FNTB: variants seen among roughly 807,000 people sequenced by gnomAD.
The protein encoded by FNTB is protein farnesyltransferase subunit beta.
In FNTB, 27 loss-of-function variants were observed where a neutral mutation model predicts 59.4. The observed-to-expected ratio is 0.45, with a 90% CI of 0.34 to 0.63. FNTB has a LOEUF of 0.63. Ranked by LOEUF, FNTB falls within the 20% of genes least tolerant of loss-of-function variation. FNTB has a pLI of 0.02. For synonymous variants in FNTB, 230 were observed against 220.7 expected (o/e 1.04, Z -0.37); for missense variants, 449 against 559.6 (o/e 0.80, Z 1.99).
In FNTB at chr14:65,037,402, C is replaced by CTTTT. The variant is rs765037575; in HGVS notation, c.693-3388_693-3387insTTTT. ...ATAGGCGTGAGCCACCACGCCGGGC[C>CTTTT]CTTTTTTTTTTTTTTTTTTTTTTTT... is the stretch of plus-strand genomic sequence containing the variant. On this transcript the variant is annotated intron_variant, in intron 7 of 11. Transcript: ENST00000246166. 1.3e-3 allele frequency among the ~76,000 whole-genome samples: 19 copies of CTTTT among 14,526 alleles called. 1 individual carries two copies. Among genetic ancestry groups the CTTTT allele is most frequent in the Non-Finnish European group, 2.2e-3 (16 of 7,196 alleles). The allele number at this position is 14,526 out of a possible 152,430, so 9.5% of individuals were successfully genotyped here.
intron 1 of FNTB, among the ~76,000 whole-genome samples, chr14:65,002,344 C>T (rs7156064): frequency 0.054 from 8,174 of 152,272 alleles, 773 homozygotes; most frequent in African/African-American, 0.19. Flanking sequence ...CGTGGTGGCT[C>T]ACGCCTGTAA....
rs2062058836 is a variant in FNTB at position 65,030,467 on chromosome 14, A to C, written c.606-2143A>C. ...AAGATGGAAACCAGGGCCGAGCGGC[A>C]GTGGCTCATGTCTGTAATCTCAACA... is the stretch of plus-strand genomic sequence containing the variant. On this transcript the variant is annotated intron_variant, in intron 6 of 11. Coordinates refer to ENST00000246166, the MANE Select transcript of FNTB (RefSeq NM_002028.4). This position sits in a 1 kb window ranked among gnomAD's most constrained non-coding sequence, Gnocchi z 4.5. Among the ~76,000 whole-genome samples the C allele has an allele frequency of 6.6e-6, 1 of 152,208 alleles. No individual in the cohort carries two copies. Among genetic ancestry groups the C allele is most frequent in the African/African-American group, 2.4e-5 (1 of 41,458 alleles).
At chr14:65,015,395 G>T (rs1252137036) in intron 3 of FNTB, 5 of 386,482 alleles carry the variant, frequency 1.3e-5, no homozygotes, top group Admixed American at 1.2e-4. Flanking sequence ...GAACCACCGC[G>T]CCCAGCCTTG....
intron 4 of FNTB, among the ~76,000 whole-genome samples, chr14:65,019,375 T>C (rs1048429093): frequency 6.6e-6 from 1 of 151,526 alleles, no homozygotes. Context: ...TAATCCCAGC[T>C]ACTCGGGAGA....
intron 1 of FNTB, among the ~76,000 whole-genome samples, chr14:65,000,396 G>T (rs80142476): frequency 0.038 from 5,789 of 152,186 alleles, 114 homozygotes; most frequent in Middle Eastern, 0.071. Flanking sequence ...AGAAGCTCAG[G>T]CAAAGTTAAT....
intron 4 of FNTB, among the ~76,000 whole-genome samples, chr14:65,022,430 TCA>T (rs2061906912): frequency 6.6e-6 from 1 of 152,196 alleles, no homozygotes; most frequent in Non-Finnish European, 1.5e-5. Flanking sequence ...CAAATTAGTC[TCA>T]GTTTTTACCT....
At position 65,032,648 on chromosome 14, in the gene FNTB, A is replaced by G. The variant is rs1566558050; in HGVS notation, c.644A>G (p.Asn215Ser). 6.2e-7 allele frequency: 1 copy of G among 1,613,954 alleles called. No homozygotes were observed. Among genetic ancestry groups the G allele is most frequent in the Non-Finnish European group, 8.5e-7 (1 of 1,180,000 alleles). Reference protein sequence around the residue: ...YCAASVASLTNIITPDLFEGT... With the variant: ...YCAASVASLTSIITPDLFEGT... Reference sequence around the variant, plus strand: ...GCTGCCTCCGTAGCCTCGCTGACCAACATCATCACTCCAGACCTCTTTGAG... The same window carrying G: ...GCTGCCTCCGTAGCCTCGCTGACCAGCATCATCACTCCAGACCTCTTTGAG... Residue 215 changes from asparagine to serine, a missense_variant, in exon 7 of 12, where the codon AAC (asparagine) becomes AGC (serine). Around this residue, in one of 2 missense-constraint regions of FNTB, gnomAD observed 337 missense variants for 479.1 expected, o/e 0.70. Transcript: ENST00000246166. The surrounding 1 kb of genome is among the most constrained non-coding windows in gnomAD (Gnocchi z 5.0).
In FNTB at chr14:65,044,746, C is replaced by T; in HGVS notation, c.955+303C>T. ...TCTGCGTTATCTGGAAGGAGCAGCC[C>T]ACTCCTGTCCTGGGCTCTGTGGTGA... is the stretch of plus-strand genomic sequence containing the variant. On this transcript the variant is annotated intron_variant, in intron 9 of 11. Coordinates refer to ENST00000246166, the MANE Select transcript of FNTB (RefSeq NM_002028.4). This position sits in a 1 kb window ranked among gnomAD's most constrained non-coding sequence, Gnocchi z 5.5. 1 of 380,682 alleles carries T rather than the reference C, an allele frequency of 2.6e-6. No individual in the cohort carries two copies. Among genetic ancestry groups the T allele is most frequent in the South Asian group, 3.1e-5 (1 of 32,244 alleles). The allele number at this position is 380,682 out of a possible 1,614,324, so 23.6% of individuals were successfully genotyped here.
At chr14:65,059,229 C>A (rs2062808463) in intron 11 of FNTB, among the ~76,000 whole-genome samples, 1 of 152,020 alleles carries the variant, frequency 6.6e-6, no homozygotes. Context: ...TGCTATGTTG[C>A]CTAGTCTGGT....
At chr14:65,041,275 C>T (rs1275905195) in intron 8 of FNTB, among the ~76,000 whole-genome samples, 2 of 152,160 alleles carry the variant, frequency 1.3e-5, no homozygotes, top group African/African-American at 4.8e-5. Flanking sequence ...TGCAGCATTT[C>T]GAAACCAAAC....
chr14:65,010,201 C>T (rs546752102), intron 2 of FNTB, among the ~76,000 whole-genome samples: 17 of 152,336 alleles, frequency 1.1e-4, no homozygotes, highest in African/African-American at 4.1e-4. Flanking sequence ...TTCCTTTGCT[C>T]TTCCCTAGCA....
Position 65,031,738 on chromosome 14 carries a change from T to A in FNTB, c.606-872T>A, listed in dbSNP as rs1477760753. ...GAGTTTGAAACCAGCCTAGCCAACA[T>A]GGCGAAACCCCATCTCCACTAAAAA... On this transcript the variant is annotated intron_variant, in intron 6 of 11. Coordinates refer to ENST00000246166, the MANE Select transcript of FNTB (RefSeq NM_002028.4). The surrounding 1 kb of genome is among the most constrained non-coding windows in gnomAD (Gnocchi z 4.6). Among the ~76,000 whole-genome samples, 1 of 152,076 alleles carries A rather than the reference T, an allele frequency of 6.6e-6. No homozygotes were observed. The highest frequency in any genetic ancestry group is 2.4e-5 in the African/African-American group (1 of 41,436).
rs574098158 is a variant in FNTB, at chr14:64,998,347, CTA to C, written c.145-5900_145-5899del. 2.5e-4 allele frequency among the ~76,000 whole-genome samples: 38 copies of C among 152,282 alleles called. 3 individuals carry two copies. Among genetic ancestry groups the C allele is most frequent in the Admixed American group, 2.3e-3 (35 of 15,290 alleles). ...GTGGGAATCTTTGTGCCACAGTAAA[CTA>C]TGTGCATATTCAAGGAGGTAAAGGA... On this transcript the variant is annotated intron_variant, in intron 1 of 11. Coordinates refer to ENST00000246166, the MANE Select transcript of FNTB (RefSeq NM_002028.4).
At chr14:65,000,502 A>G (rs148691483) in intron 1 of FNTB, among the ~76,000 whole-genome samples, 50 of 152,264 alleles carry the variant, frequency 3.3e-4, no homozygotes, top group Non-Finnish European at 6.3e-4. Context: ...AGCAGCAGTT[A>G]CAAGTAGGTT....
intron 1 of FNTB, among the ~76,000 whole-genome samples, chr14:64,987,932 A>G (rs1675654460): frequency 6.6e-6 from 1 of 152,184 alleles, no homozygotes; most frequent in African/African-American, 2.4e-5. Flanking sequence ...CCCTAGGAGA[A>G]GTGGTTAGGA....
Position 65,058,612 on chromosome 14 carries a change from A to G in FNTB, c.1183-2569A>G, listed in dbSNP as rs574180063. ...TGTAAGGTTGTGATAGTTACATTAT[A>G]TCAAGTTAGTGATATTCACTTTTAT... On this transcript the variant is annotated intron_variant, in intron 11 of 11. Transcript: ENST00000246166. Among the ~76,000 whole-genome samples, 44 of 152,366 alleles carry G rather than the reference A, an allele frequency of 2.9e-4. 1 individual carries two copies. The South Asian group carries it at 8.9e-3, about 31-fold the overall frequency.
chr14:64,989,104 A>G (rs751231754), intron 1 of FNTB, among the ~76,000 whole-genome samples: 8 of 152,068 alleles, frequency 5.3e-5, no homozygotes, highest in Non-Finnish European at 1.0e-4. Flanking sequence ...GTACTCTTTC[A>G]GTTTTAACTA....
In FNTB at chr14:65,007,470, G is replaced by A. The variant is rs374260517; in HGVS notation, c.209+3157G>A. Among the ~76,000 whole-genome samples the A allele has an allele frequency of 6.6e-6, 1 of 152,210 alleles. No individual in the cohort carries two copies. The highest frequency in any genetic ancestry group is 2.4e-5 in the African/African-American group (1 of 41,444). ...GGATGCCTGTGATGATGCTGAAGTAGGCATTTGCCTATTCAGTGTTCCAGG... is the reference window on the plus strand; with the variant it reads ...GGATGCCTGTGATGATGCTGAAGTAAGCATTTGCCTATTCAGTGTTCCAGG... On this transcript the variant is annotated intron_variant, in intron 2 of 11. Coordinates refer to ENST00000246166, the MANE Select transcript of FNTB (RefSeq NM_002028.4). The surrounding 1 kb of genome is among the most constrained non-coding windows in gnomAD (Gnocchi z 4.9).
chr14:65,000,563 G>A (rs1041759159), intron 1 of FNTB, among the ~76,000 whole-genome samples: 2 of 152,004 alleles, frequency 1.3e-5, no homozygotes, highest in African/African-American at 2.4e-5. Flanking sequence ...GCTCACGCCC[G>A]TAATCCCAGC....
Sources: gnomAD v4.1 joint callset for allele counts (sites outside exome capture counted in the v4.1 genomes callset) on GRCh38, gnomAD v4.1.1 for gene constraint, gnomAD v4.1.1 regional missense constraint, Gnocchi (gnomAD v3.1) non-coding constraint, MANE v1.5 for transcripts, NCBI Gene and HGNC (gene_info 2026-07-23, HGNC 2026-07-21) for gene names.